The following HHAT variants were observed in gnomAD, a reference collection of about 807,000 sequenced individuals.
HHAT encodes the protein hedgehog acyltransferase, also known as protein-cysteine N-palmitoyltransferase HHAT.
In HHAT, 47 loss-of-function variants were observed where a neutral mutation model predicts 70.8. The observed-to-expected ratio is 0.66, with a 90% CI of 0.53 to 0.85. The LOEUF (loss-of-function observed/expected upper bound fraction) is 0.85, where lower values mean the gene tolerates loss of function less well. HHAT is among the 40% of genes least tolerant of loss of function. The pLI, the probability that HHAT is intolerant of heterozygous loss-of-function variation, is 0.00. For synonymous variants in HHAT, 228 were observed against 247.6 expected, an observed-to-expected ratio of 0.92 and a Z score of 0.74; for missense variants, 609 against 604.8, an observed-to-expected ratio of 1.01 and a Z score of -0.07.
chr1:210,484,641 G>T (rs1050634811), intron 8 of HHAT, among the ~76,000 whole-genome samples: 1 of 152,112 alleles, frequency 6.6e-6, no homozygotes, highest in African/African-American at 2.4e-5. Flanking sequence ...CCTGATGGTT[G>T]CAGAATGATT....
chr1:210,419,994 GT>G (rs2092846748), intron 7 of HHAT, among the ~76,000 whole-genome samples: 1 of 152,150 alleles, frequency 6.6e-6, no homozygotes, highest in South Asian at 2.1e-4. Context: ...GGCACTAGGG[GT>G]AGTAAATTAT....
intron 6 of HHAT, among the ~76,000 whole-genome samples, chr1:210,408,531 A>C (rs2092419562): frequency 6.6e-6 from 1 of 152,098 alleles, no homozygotes; most frequent in Non-Finnish European, 1.5e-5. Context: ...GTGTAATTCT[A>C]GGGTAGTTTA....
chr1:210,544,849 T>C (rs181645010), intron 9 of HHAT, among the ~76,000 whole-genome samples: 1 of 152,310 alleles, frequency 6.6e-6, no homozygotes, highest in East Asian at 1.9e-4. Context: ...ACTTCTTCCA[T>C]TACATGCACC....
At chr1:210,375,744 C>G (rs2148090154) in intron 3 of HHAT, among the ~76,000 whole-genome samples, 1 of 151,808 alleles carries the variant, frequency 6.6e-6, no homozygotes, top group East Asian at 1.9e-4. Context: ...TTTAATGACA[C>G]CAATGTCAGA....
At position 210,340,242 on chromosome 1, in the gene HHAT, GAA is replaced by G. The variant is rs57007952; in HGVS notation, c.-43-8666_-43-8665del. Among the ~76,000 whole-genome samples, 104 of 99,776 alleles carry G rather than the reference GAA, an allele frequency of 1.0e-3. 2 individuals carry two copies. The highest frequency in any genetic ancestry group is 2.8e-3 in the African/African-American group (82 of 29,622). 65.5% of individuals were successfully genotyped at this position (99,776 alleles called of 152,430 possible). ...GGGGATAGAGCAAGACTCTGTCTCA[GAA>G]AAAAAAAAAAAAAAAAAAAAAAAAG... is the stretch of plus-strand genomic sequence containing the variant. On this transcript the variant is annotated intron_variant, in intron 1 of 11. Transcript: ENST00000261458.
chr1:210,636,462 T>G (rs1321559529), intron 11 of HHAT, among the ~76,000 whole-genome samples: 1 of 152,180 alleles, frequency 6.6e-6, no homozygotes, highest in East Asian at 1.9e-4. Context: ...TTCTGCTATC[T>G]TATCCCAAAG....
chr1:210,333,083 C>T (rs1308436453), intron 1 of HHAT, among the ~76,000 whole-genome samples: 1 of 152,198 alleles, frequency 6.6e-6, no homozygotes, highest in African/African-American at 2.4e-5. Flanking sequence ...GACTGAAAGC[C>T]TGCCCACAGA....
In HHAT at chr1:210,626,215, G is replaced by C. The variant is rs185256441; in HGVS notation, c.1390+2545G>C. Among the ~76,000 whole-genome samples, 3 of 152,328 alleles carry C rather than the reference G, an allele frequency of 2.0e-5. No individual in the cohort carries two copies. The East Asian group carries it at 5.8e-4, about 29-fold the overall frequency. On this transcript the variant is annotated intron_variant, in intron 11 of 11. Coordinates refer to ENST00000261458, the MANE Select transcript of HHAT (RefSeq NM_018194.6). The stretch of plus-strand genomic sequence containing the variant: ...TGGTATTGAAGGGGGCAGAGAGAAA[G>C]GCAGGAAGATCAAAGTGTGACTTGC...
intron 7 of HHAT, among the ~76,000 whole-genome samples, chr1:210,427,813 C>G (rs1170140163): frequency 1.3e-5 from 2 of 151,820 alleles, no homozygotes; most frequent in Non-Finnish European, 2.9e-5. Context: ...TCTATCAGGT[C>G]CATTTGATGT....
intron 8 of HHAT, among the ~76,000 whole-genome samples, chr1:210,496,894 T>C (rs1231177275): frequency 6.6e-6 from 1 of 152,244 alleles, no homozygotes; most frequent in Non-Finnish European, 1.5e-5. Flanking sequence ...CTGATTTCTG[T>C]AGTTCTATAC....
chr1:210,420,865 T>A (rs886638655), intron 7 of HHAT, among the ~76,000 whole-genome samples: 4 of 152,170 alleles, frequency 2.6e-5, no homozygotes, highest in African/African-American at 9.7e-5. Context: ...TATTTGAATC[T>A]CTGAATTGGG....
intron 4 of HHAT, among the ~76,000 whole-genome samples, chr1:210,390,204 CAG>C (rs1393655312): frequency 6.6e-6 from 1 of 151,996 alleles, no homozygotes; most frequent in South Asian, 2.1e-4. Context: ...AAAACCAAAA[CAG>C]AGCTCAGAGA....
chr1:210,354,354 A>G lies in HHAT; in HGVS notation c.91+5288A>G, dbSNP rs1169984559. ...TGAGTAGCTGGGATTACAGGTGTGT[A>G]CCACCACACCCTGCTAATTTTTGTA... On this transcript the variant is annotated intron_variant, in intron 2 of 11. Transcript: ENST00000261458. 2.6e-5 allele frequency among the ~76,000 whole-genome samples: 4 copies of G among 151,632 alleles called. No individual in the cohort carries two copies. The South Asian group carries it at 6.3e-4, about 24-fold the overall frequency.
intron 7 of HHAT, among the ~76,000 whole-genome samples, chr1:210,457,336 T>C (rs1288701262): frequency 6.6e-6 from 1 of 152,000 alleles, no homozygotes; most frequent in Non-Finnish European, 1.5e-5. Flanking sequence ...AAAAAACTTA[T>C]TAAAAAAAAG....
At chr1:210,376,772 A>G (rs1404260507) in intron 3 of HHAT, among the ~76,000 whole-genome samples, 3 of 152,244 alleles carry the variant, frequency 2.0e-5, no homozygotes, top group African/African-American at 7.2e-5. Flanking sequence ...GGAGAACTCC[A>G]GCATAGTTCT....
chr1:210,600,044 A>G (rs1464098375), intron 10 of HHAT, among the ~76,000 whole-genome samples: 2 of 152,148 alleles, frequency 1.3e-5, no homozygotes, highest in Non-Finnish European at 2.9e-5. Context: ...TTCAGATTTC[A>G]GCTCAAATGA....
intron 6 of HHAT, among the ~76,000 whole-genome samples, chr1:210,413,412 C>T (rs2092623279): frequency 1.3e-5 from 2 of 152,198 alleles, no homozygotes; most frequent in South Asian, 4.1e-4. Flanking sequence ...AACAGGCTTT[C>T]TCATTCTTGA....
chr1:210,376,387 A>T (rs1474849886), intron 3 of HHAT, among the ~76,000 whole-genome samples: 1 of 152,048 alleles, frequency 6.6e-6, no homozygotes, highest in African/African-American at 2.4e-5. Flanking sequence ...GTTACATCCA[A>T]GGGTTTTAGC....
intron 4 of HHAT, among the ~76,000 whole-genome samples, chr1:210,394,153 G>C (rs766500027): frequency 6.8e-6 from 1 of 147,676 alleles, no homozygotes; most frequent in Admixed American, 6.8e-5. Context: ...ATCTAATCTC[G>C]TCTCTTCCTT....
Sources: allele counts gnomAD v4.1 joint callset (sites outside exome capture counted in the v4.1 genomes callset), GRCh38; gene constraint gnomAD v4.1.1; transcripts MANE v1.5; gene names NCBI Gene and HGNC (gene_info 2026-07-23, HGNC 2026-07-21).